SMAD2: variants seen among roughly 807,000 people sequenced by gnomAD.
SMAD2 encodes MAD homolog 2.
In SMAD2, 8 loss-of-function variants were observed where a neutral mutation model predicts 64.4. The ratio of observed to expected loss-of-function variants is 0.12; its 90% confidence interval spans 0.07 to 0.22. The LOEUF is 0.22. Among genes scored for constraint, SMAD2 ranks in the 10% least tolerant of loss-of-function variants. The pLI is 1.00. For missense variants in SMAD2, 289 were observed against 561.2 expected, an observed-to-expected ratio of 0.51 and a Z score of 4.90; for synonymous variants, 203 against 195.8, an observed-to-expected ratio of 1.04 and a Z score of -0.31.
rs1477895665 is a variant in SMAD2, at chr18:47,837,699, C to G, written c.*4128G>C. The G allele has an allele frequency of 4.3e-6, 1 of 232,010 alleles. No homozygotes were observed. The highest frequency in any genetic ancestry group is 6.0e-5 in the East Asian group (1 of 16,564). 14.4% of individuals were successfully genotyped at this position (232,010 alleles called of 1,614,324 possible). A position where few individuals can be genotyped will look rare whatever the true frequency, so the allele number is the denominator to read the frequency against. On this transcript the variant is annotated 3_prime_UTR_variant, in exon 11 of 11. Coordinates refer to ENST00000262160, the MANE Select transcript of SMAD2 (RefSeq NM_005901.6). ...ATATAATAGATTTAGCAAAGTAAAG[C>G]ATATGAAAGGAAGAAATGTTTGATA...
rs372529640 is a variant in SMAD2, at chr18:47,920,975, C to T, written c.-54+9386G>A. On this transcript the variant is annotated intron_variant, in intron 1 of 10. Transcript: ENST00000262160. ...TTCAAGACAAATCTAGGCAACATGG[C>T]GAAACCCCACCTCTACAAAAAATTT... Among the ~76,000 whole-genome samples the T allele has an allele frequency of 3.0e-3, 463 of 152,192 alleles. 6 individuals are homozygous for T. The highest frequency in any genetic ancestry group is 0.02 in the South Asian group (95 of 4,818).
rs572082314 is a variant in SMAD2 at position 47,830,346 on chromosome 18, G to A, written c.*11481C>T. ...AATTCCAGCACTTTGGGAGGCCGAG[G>A]CAGGCAAATCATCTGAGGTCAGGAG... On this transcript the variant is annotated 3_prime_UTR_variant, in exon 11 of 11. Coordinates refer to ENST00000262160, the MANE Select transcript of SMAD2 (RefSeq NM_005901.6). 6.6e-6 allele frequency: 1 copy of A among 152,044 alleles called. No individual in the cohort carries two copies. The highest frequency in any genetic ancestry group is 6.5e-5 in the Admixed American group (1 of 15,270). The allele number at this position is 152,044 out of a possible 1,614,324, so 9.4% of individuals were successfully genotyped here.
rs1912972800 is a variant in SMAD2 at position 47,831,086 on chromosome 18, C to T, written c.*10741G>A. 1 of 152,276 alleles carries T rather than the reference C, an allele frequency of 6.6e-6. No homozygotes were observed. Among genetic ancestry groups the T allele is most frequent in the Non-Finnish European group, 1.5e-5 (1 of 68,092 alleles). 9.4% of individuals were successfully genotyped at this position (152,276 alleles called of 1,614,324 possible). ...GCCCCCAAATGACTGCTCAGAAGCACAATCTCACTGCAAACTATGGAACCC... is the reference window on the plus strand; with the variant it reads ...GCCCCCAAATGACTGCTCAGAAGCATAATCTCACTGCAAACTATGGAACCC... On this transcript the variant is annotated 3_prime_UTR_variant, in exon 11 of 11. Coordinates refer to ENST00000262160, the MANE Select transcript of SMAD2 (RefSeq NM_005901.6).
At chr18:47,867,505 G>C (rs2031648176) in intron 5 of SMAD2, 1 of 151,722 alleles carries the variant, frequency 6.6e-6, no homozygotes, top group African/African-American at 2.4e-5. Context: ...TAAAATAAGA[G>C]TGGAATAAAA....
In SMAD2 at chr18:47,819,076, T is replaced by C. The variant is rs905297446; in HGVS notation, c.*22751A>G. Reference sequence around the variant, plus strand: ...GCCACAAATCCCTTAAGGAATTCTATTCATCAAATAAATGAGTGCTAATAC... The same window carrying C: ...GCCACAAATCCCTTAAGGAATTCTACTCATCAAATAAATGAGTGCTAATAC... On this transcript the variant is annotated 3_prime_UTR_variant, in exon 11 of 11. Coordinates refer to ENST00000262160, the MANE Select transcript of SMAD2 (RefSeq NM_005901.6). 1.3e-5 allele frequency: 2 copies of C among 152,248 alleles called. No individual in the cohort carries two copies. The highest frequency in any genetic ancestry group is 2.4e-5 in the African/African-American group (1 of 41,470). The allele number at this position is 152,248 out of a possible 1,614,324, so 9.4% of individuals were successfully genotyped here. A position where few individuals can be genotyped will look rare whatever the true frequency, so the allele number is the denominator to read the frequency against.
chr18:47,850,599 TTATGTATAA>T (rs1915312846), intron 7 of SMAD2, among the ~76,000 whole-genome samples: 1 of 56,818 alleles, frequency 1.8e-5, no homozygotes, highest in Non-Finnish European at 2.8e-5. Flanking sequence ...ATTATATATA[TTATGTATAA>T]TATATATTAT....
Position 47,905,285 on chromosome 18 carries a change from T to C in SMAD2, c.-53-8476A>G, listed in dbSNP as rs74570095. ...GATCTCAACACTAAGAATTACAAAA[T>C]ATTGCTAAGAAAAATGAAAAACACT... On this transcript the variant is annotated intron_variant, in intron 1 of 10. Coordinates refer to ENST00000262160, the MANE Select transcript of SMAD2 (RefSeq NM_005901.6). 3.4e-3 allele frequency among the ~76,000 whole-genome samples: 517 copies of C among 152,244 alleles called. 14 individuals carry two copies. Among genetic ancestry groups the C allele is most frequent in the Admixed American group, 0.026 (404 of 15,288 alleles).
rs923200978 is a variant in SMAD2, at chr18:47,836,172, C to T, written c.*5655G>A. ...AGCAAAGATCTGAATCACCTTCAATCAGGCTGTAAGATACTAGAAAATTTG... is the reference window on the plus strand; with the variant it reads ...AGCAAAGATCTGAATCACCTTCAATTAGGCTGTAAGATACTAGAAAATTTG... On this transcript the variant is annotated 3_prime_UTR_variant, in exon 11 of 11. Transcript: ENST00000262160. 15 of 220,912 alleles carry T rather than the reference C, an allele frequency of 6.8e-5. No homozygotes were observed. Among genetic ancestry groups the T allele is most frequent in the African/African-American group, 3.4e-4 (15 of 44,648 alleles). The allele number at this position is 220,912 out of a possible 1,614,324, so 13.7% of individuals were successfully genotyped here. A position where few individuals can be genotyped will look rare whatever the true frequency, so the allele number is the denominator to read the frequency against.
intron 5 of SMAD2, chr18:47,867,307 T>C (rs183987271): frequency 1.3e-5 from 2 of 149,666 alleles, no homozygotes; most frequent in East Asian, 3.9e-4. Flanking sequence ...ACCAGCTATT[T>C]AAAAAAAAAA....
At chr18:47,881,896 C>T (rs1382087265) in intron 2 of SMAD2, among the ~76,000 whole-genome samples, 2 of 151,892 alleles carry the variant, frequency 1.3e-5, no homozygotes, top group African/African-American at 4.8e-5. Flanking sequence ...TTTGTTTTGC[C>T]CGACAGGGTC....
chr18:47,856,168 G>T (rs1469678871), intron 6 of SMAD2, among the ~76,000 whole-genome samples: 1 of 151,066 alleles, frequency 6.6e-6, no homozygotes, highest in Non-Finnish European at 1.5e-5. Context: ...CAAATACATA[G>T]AAACATAATA....
chr18:47,904,978 A>G (rs1404697018), intron 1 of SMAD2, among the ~76,000 whole-genome samples: 2 of 152,206 alleles, frequency 1.3e-5, no homozygotes, highest in African/African-American at 4.8e-5. Context: ...GTCCACGGTT[A>G]CCCTTTCTAT....
Position 47,814,038 on chromosome 18 carries a change from T to C in SMAD2, c.*27789A>G, listed in dbSNP as rs1912290149. ...CTTGGCTTTGAGGAATAAAGAGTTT[T>C]ATATCAGGGCATCAAGAGAAGGATA... On this transcript the variant is annotated 3_prime_UTR_variant, in exon 11 of 11. Transcript: ENST00000262160. 1 of 152,090 alleles carries C rather than the reference T, an allele frequency of 6.6e-6. No homozygotes were observed. The allele number at this position is 152,090 out of a possible 1,614,324, so 9.4% of individuals were successfully genotyped here. A position where few individuals can be genotyped will look rare whatever the true frequency, so the allele number is the denominator to read the frequency against.
At chr18:47,881,810 T>TC (rs1464335172) in intron 2 of SMAD2, among the ~76,000 whole-genome samples, 1 of 152,294 alleles carries the variant, frequency 6.6e-6, no homozygotes, top group East Asian at 1.9e-4. Context: ...GTCAAATGCT[T>TC]TTGACCAAGT....
intron 1 of SMAD2, among the ~76,000 whole-genome samples, chr18:47,928,490 A>C (rs2034858014): frequency 6.6e-6 from 1 of 152,246 alleles, no homozygotes. Context: ...GAATAGAAAC[A>C]ACCTTTGTTC....
chr18:47,881,637 C>G (rs555659292), intron 2 of SMAD2, among the ~76,000 whole-genome samples: 100 of 152,260 alleles, frequency 6.6e-4, no homozygotes, highest in Non-Finnish European at 1.2e-3. Flanking sequence ...AATAAGGACA[C>G]AAGAGTAGAC....
chr18:47,839,726 A>T lies in SMAD2; in HGVS notation c.*2101T>A, dbSNP rs892234294. 5.1e-5 allele frequency: 12 copies of T among 233,280 alleles called. No homozygotes were observed. The highest frequency in any genetic ancestry group is 7.6e-5 in the Non-Finnish European group (9 of 118,050). The allele number at this position is 233,280 out of a possible 1,614,324, so 14.5% of individuals were successfully genotyped here. On this transcript the variant is annotated 3_prime_UTR_variant, in exon 11 of 11. Transcript: ENST00000262160. The stretch of plus-strand genomic sequence containing the variant: ...TTTGGATTTGTATAGAGGTTTCTGT[A>T]TAAAGCATTAATACCTAATCAGGAG...
intron 8 of SMAD2, 30 bp downstream of exon 8, chr18:47,848,445 A>T: frequency 6.6e-7 from 1 of 1,525,070 alleles, no homozygotes. Context: ...TACAGCATTT[A>T]TTTTTCACAA....
chr18:47,859,420 A>G (rs2030990875), intron 6 of SMAD2, among the ~76,000 whole-genome samples: 1 of 152,204 alleles, frequency 6.6e-6, no homozygotes. Flanking sequence ...GTTACAAGTT[A>G]TAGCATAAAA....
Sources: allele counts gnomAD v4.1 joint callset (sites outside exome capture counted in the v4.1 genomes callset), GRCh38; gene constraint gnomAD v4.1.1; transcripts MANE v1.5; gene names NCBI Gene and HGNC (gene_info 2026-07-23, HGNC 2026-07-21).